UBE3B: variants seen among roughly 807,000 people sequenced by gnomAD.
The protein encoded by UBE3B is ubiquitin-protein ligase E3B.
Under a neutral mutation model 132.3 loss-of-function variants are expected in UBE3B, and 80 were observed. The observed-to-expected ratio is 0.60, with a 90% CI of 0.50 to 0.73. UBE3B has a LOEUF of 0.73. UBE3B is among the 30% of genes least tolerant of loss of function. The probability of loss-of-function intolerance (pLI) is 0.00; values close to 1 mark genes in which losing one functional copy is unlikely to be tolerated. For synonymous variants in UBE3B, 487 were observed against 520.4 expected (o/e 0.94, Z 0.87); for missense variants, 1,196 against 1,362.5 (o/e 0.88, Z 1.92).
intron 6 of UBE3B, 110 bp from the exon 7 acceptor site, chr12:109,488,462 T>C (rs2135815879): frequency 1.0e-6 from 1 of 957,046 alleles, no homozygotes; most frequent in Middle Eastern, 2.2e-4. Context: ...CTTATAATCC[T>C]GACTCAGTGA....
intron 24 of UBE3B, among the ~76,000 whole-genome samples, chr12:109,529,038 G>A (rs1592970480): frequency 6.6e-6 from 1 of 152,054 alleles, no homozygotes; most frequent in African/African-American, 2.4e-5. Flanking sequence ...GTGCATGCCT[G>A]TAGTCCCAGC....
chr12:109,479,333 A>G (rs1011917159), intron 1 of UBE3B, among the ~76,000 whole-genome samples: 1 of 152,220 alleles, frequency 6.6e-6, no homozygotes, highest in Non-Finnish European at 1.5e-5. Flanking sequence ...TTTAATCCTA[A>G]TCACAATGTT....
intron 18 of UBE3B, among the ~76,000 whole-genome samples, chr12:109,515,192 C>G (rs1009237797): frequency 6.6e-6 from 1 of 151,894 alleles, no homozygotes; most frequent in Non-Finnish European, 1.5e-5. Context: ...GGATTACAGG[C>G]GTGAGCCACC....
At chr12:109,499,928 C>T in intron 12 of UBE3B, 118 bp downstream of exon 12, 1 of 842,702 alleles carries the variant, frequency 1.2e-6, no homozygotes, top group South Asian at 4.5e-5. Context: ...AATATGTATT[C>T]ATTATATATT....
chr12:109,521,240 A>C lies in UBE3B; in HGVS notation c.2169A>C (p.Ala723=). 1 of 1,614,226 alleles carries C rather than the reference A, an allele frequency of 6.2e-7. No homozygotes were observed. The highest frequency in any genetic ancestry group is 2.2e-5 in the East Asian group (1 of 44,894). Residue 723 remains alanine (A), a synonymous_variant, in exon 20 of 28, where the codon GCA becomes GCC. Transcript: ENST00000342494. This position sits in a 1 kb window ranked among gnomAD's most constrained non-coding sequence, Gnocchi z 4.2. ...KFVNDLGVDE[A]GIDQDGVFKE... ...TCAATGACCTCGGGGTGGACGAAGC[A>C]GGGATTGATCAAGACGGTGTTTTTA...
chr12:109,499,551 C>A, intron 11 of UBE3B, 82 bp from the exon 12 acceptor site: 1 of 1,337,730 alleles, frequency 7.5e-7, no homozygotes, highest in Non-Finnish European at 9.8e-7. Context: ...ATGTGGCCGC[C>A]TGAGCCACAG....
intron 1 of UBE3B, among the ~76,000 whole-genome samples, chr12:109,481,379 A>G (rs940850278): frequency 2.6e-5 from 4 of 152,090 alleles, no homozygotes; most frequent in African/African-American, 9.7e-5. Context: ...CATGACCTCT[A>G]AGTTATTTTG....
At position 109,521,557 on chromosome 12, in the gene UBE3B, A is replaced by T; in HGVS notation, c.2364+6A>T. The T allele has an allele frequency of 6.5e-7, 1 of 1,546,478 alleles. No individual in the cohort carries two copies. The highest frequency in any genetic ancestry group is 1.2e-5 in the South Asian group (1 of 81,726). On this transcript the variant is annotated splice_donor_region_variant and intron_variant, in intron 21 of 27. Coordinates refer to ENST00000342494, the MANE Select transcript of UBE3B (RefSeq NM_130466.4). This position sits in a 1 kb window ranked among gnomAD's most constrained non-coding sequence, Gnocchi z 4.2. ...TGGGGAAGGCTGTGTATGAGGTAGGAACGTTAAGAAACAGAGAAATGTAAA... is the reference window on the plus strand; with the variant it reads ...TGGGGAAGGCTGTGTATGAGGTAGGTACGTTAAGAAACAGAGAAATGTAAA...
In UBE3B at chr12:109,507,628, C is replaced by G; in HGVS notation, c.1515C>G (p.His505Gln). The change falls in exon 15 of 28, where the codon CAC becomes CAG. Residue 505 changes from histidine to glutamine, a missense_variant. By Grantham distance (24) the His-to-Gln change is conservative. Transcript: ENST00000342494. ...LWAFICELGP[H>Q]GGLKLFLECL... ...CATTTATCTGTGAGCTCGGGCCCCA[C>G]GGAGGGTTAAAGCTCTTCTTGGAAT... 1 of 1,614,074 alleles carries G rather than the reference C, an allele frequency of 6.2e-7. No individual in the cohort carries two copies.
chr12:109,488,707 T>C, intron 7 of UBE3B, 39 bp downstream of exon 7: 5 of 1,588,908 alleles, frequency 3.1e-6, no homozygotes, highest in South Asian at 1.1e-5. Context: ...CTAACCAACA[T>C]TTCCATAGAG....
rs745306464 is a variant in UBE3B, at chr12:109,510,348, C to T, written c.1746C>T (p.Asn582=). The T allele has an allele frequency of 8.7e-6, 14 of 1,603,470 alleles. No individual in the cohort carries two copies. Among genetic ancestry groups the T allele is most frequent in the South Asian group, 3.4e-5 (3 of 88,904 alleles). Residue 582 remains asparagine, a synonymous_variant, in exon 17 of 28, where the codon AAC becomes AAT. Coordinates refer to ENST00000342494, the MANE Select transcript of UBE3B (RefSeq NM_130466.4). ...TCCTGTTTGTTTGTCCCACAGAGAA[C>T]GCCAAGGGTGAGACCTTGGAGCTGT... ...FKMIWDGIVE[N]AKGETLELFQ...
chr12:109,511,227 T>G lies in UBE3B; in HGVS notation c.1880T>G (p.Phe627Cys). The G allele has an allele frequency of 6.2e-7, 1 of 1,614,156 alleles. No individual in the cohort carries two copies. The highest frequency in any genetic ancestry group is 8.5e-7 in the Non-Finnish European group (1 of 1,180,000). ...AGGGATCTCAAACCTAGCGTGCTCT[T>G]CCAAGAACTCGACAGGGACAGAAAA... ...LRKDLKPSVLFQELDRDRKRA... is the reference protein window; with the variant it reads ...LRKDLKPSVLCQELDRDRKRA... The change falls in exon 18 of 28, where the codon TTC (phenylalanine) becomes TGC (cysteine). Residue 627 changes from phenylalanine to cysteine, a missense_variant. Physicochemically the swap from Phe to Cys is radical, Grantham distance 205. Transcript: ENST00000342494.
chr12:109,489,935 A>G lies in UBE3B; in HGVS notation c.561A>G (p.Pro187=). The G allele has an allele frequency of 1.2e-6, 2 of 1,614,208 alleles. No individual in the cohort carries two copies. The highest frequency in any genetic ancestry group is 8.5e-7 in the Non-Finnish European group (1 of 1,180,026). The part of the protein sequence containing the change: ...ILRGKGESLR[P]AMNHICANIM... The stretch of plus-strand genomic sequence containing the variant: ...TTTCTTTAGGTGAAAGTCTTCGACC[A>G]GCGATGAACCACATTTGTGCAAATA... Residue 187 remains proline (P), a synonymous_variant, in exon 8 of 28, where the codon CCA becomes CCG. Transcript: ENST00000342494.
chr12:109,510,364 T>TTA lies in UBE3B; in HGVS notation c.1763_1764insAT (p.Glu589TrpfsTer52). 6.2e-7 allele frequency: 1 copy of TTA among 1,610,468 alleles called. No homozygotes were observed. The highest frequency in any genetic ancestry group is 8.5e-7 in the Non-Finnish European group (1 of 1,178,468). On this transcript the variant is annotated frameshift_variant, in exon 17 of 28. Coordinates refer to ENST00000342494, the MANE Select transcript of UBE3B (RefSeq NM_130466.4). LOFTEE classifies it high-confidence loss of function. ...CACAGAGAACGCCAAGGGTGAGACC[T>TTA]TGGAGCTGTTCCAGTCTGTCCACGG...
At chr12:109,492,871 G>A (rs1383213523) in intron 9 of UBE3B, 1 of 151,912 alleles carries the variant, frequency 6.6e-6, no homozygotes, top group African/African-American at 2.4e-5. Flanking sequence ...AATTAAATGT[G>A]TTACATTTTT....
chr12:109,484,041 T>G, intron 4 of UBE3B, 60 bp downstream of exon 4: 1 of 1,521,810 alleles, frequency 6.6e-7, no homozygotes, highest in Non-Finnish European at 8.9e-7. Flanking sequence ...TTATAATTAT[T>G]GATATTAACT....
Position 109,524,109 on chromosome 12 carries a change from C to T in UBE3B, c.2496C>T (p.Ser832=), listed in dbSNP as rs150120989. The part of the protein sequence containing the change: ...LDSEFYKNLT[S]IKRYDGDITD... ...CCGAGTTCTATAAAAACCTCACCTC[C>T]ATCAAGGTGAGCATGGAATGGTGGG... The change falls in exon 22 of 28, where the codon TCC becomes TCT. Residue 832 remains serine (S), a synonymous_variant. Coordinates refer to ENST00000342494, the MANE Select transcript of UBE3B (RefSeq NM_130466.4). 2 of 1,614,044 alleles carry T rather than the reference C, an allele frequency of 1.2e-6. No homozygotes were observed. Among genetic ancestry groups the T allele is most frequent in the Non-Finnish European group, 1.7e-6 (2 of 1,180,024 alleles).
chr12:109,510,455 G>A lies in UBE3B; in HGVS notation c.1853G>A (p.Arg618Gln), dbSNP rs937004655. ...RRFTPEDHWL[R>Q]KDLKPSVLFQ... ...TTCACCCCCGAGGACCACTGGCTGCGAAAGTGAGCTCCAGGGGTGAGGAGG... is the reference window on the plus strand; with the variant it reads ...TTCACCCCCGAGGACCACTGGCTGCAAAAGTGAGCTCCAGGGGTGAGGAGG... The change falls in exon 17 of 28, where the codon CGA becomes CAA. Residue 618 changes from arginine to glutamine, a missense_variant. Transcript: ENST00000342494. 16 of 1,609,168 alleles carry A rather than the reference G, an allele frequency of 9.9e-6. No individual in the cohort carries two copies. The highest frequency in any genetic ancestry group is 4.4e-5 in the South Asian group (4 of 90,032).
chr12:109,533,504 C>T lies in UBE3B; in HGVS notation c.2961C>T (p.Phe987=), dbSNP rs369743781. 19 of 1,613,966 alleles carry T rather than the reference C, an allele frequency of 1.2e-5. No individual in the cohort carries two copies. The African/African-American group carries it at 1.2e-4, about 10-fold the overall frequency. ...GCTCCAGACCCCCGCTCCTGGGATT[C>T]GCCTACCTCAAGCCTCCATTCTCCA... ...TSCSRPPLLG[F]AYLKPPFSIR... is the part of the protein sequence containing the mutation. The change falls in exon 27 of 28, where the codon TTC becomes TTT. Residue 987 remains phenylalanine (F), a synonymous_variant. Transcript: ENST00000342494.
Sources: allele counts gnomAD v4.1 joint callset (sites outside exome capture counted in the v4.1 genomes callset), GRCh38; gene constraint gnomAD v4.1.1; non-coding constraint Gnocchi (gnomAD v3.1); transcripts MANE v1.5; gene names NCBI Gene and HGNC (gene_info 2026-07-23, HGNC 2026-07-21).